The following FANCC variants were observed in gnomAD, a reference collection of about 807,000 sequenced individuals.
The protein encoded by FANCC is Fanconi anemia group C protein.
Under a neutral mutation model 71.3 loss-of-function variants are expected in FANCC, and 55 were observed. That is an observed-to-expected ratio of 0.77 (90% CI 0.62 to 0.97). The LOEUF is 0.97. FANCC is among the 50% of genes least tolerant of loss of function. The probability of loss-of-function intolerance (pLI) is 0.00; values close to 1 mark genes in which losing one functional copy is unlikely to be tolerated. For missense variants in FANCC, 678 were observed against 670.9 expected (o/e 1.01, Z -0.12); for synonymous variants, 275 against 244.9 (o/e 1.12, Z -1.15).
intron 4 of FANCC, among the ~76,000 whole-genome samples, chr9:95,239,474 A>C (rs1472731858): frequency 6.6e-6 from 1 of 152,246 alleles, no homozygotes. Context: ...TAGATGGCCT[A>C]CTTCAGGACT....
intron 1 of FANCC, chr9:95,293,963 T>C: frequency 6.3e-7 from 1 of 1,584,676 alleles, no homozygotes; most frequent in Non-Finnish European, 8.7e-7. Flanking sequence ...GCAGAGATAG[T>C]AACTCATAGT....
At chr9:95,186,092 G>A (rs1480137259) in intron 4 of FANCC, among the ~76,000 whole-genome samples, 2 of 152,152 alleles carry the variant, frequency 1.3e-5, no homozygotes, top group Non-Finnish European at 2.9e-5. Context: ...CAAGGGCAAT[G>A]TTCACACCTC....
At chr9:95,315,174 A>C (rs1363424983) in intron 1 of FANCC, among the ~76,000 whole-genome samples, 3 of 152,218 alleles carry the variant, frequency 2.0e-5, no homozygotes, top group Non-Finnish European at 4.4e-5. Context: ...AAATGGAGGT[A>C]AAACCATTGC....
chr9:95,258,082 C>T (rs1011947141), intron 1 of FANCC, among the ~76,000 whole-genome samples: 2 of 152,124 alleles, frequency 1.3e-5, no homozygotes, highest in Non-Finnish European at 1.5e-5. Flanking sequence ...CAGGACCAGA[C>T]AGATTCACAG....
chr9:95,197,232 C>T (rs1827510874), intron 4 of FANCC, among the ~76,000 whole-genome samples: 1 of 152,110 alleles, frequency 6.6e-6, no homozygotes, highest in Non-Finnish European at 1.5e-5. Context: ...GCCCAAGGTC[C>T]TCAAGTTAAA....
chr9:95,170,141 C>T (rs1825569756), intron 6 of FANCC, among the ~76,000 whole-genome samples: 1 of 152,112 alleles, frequency 6.6e-6, no homozygotes, highest in Admixed American at 6.6e-5. Context: ...TTTATAATTA[C>T]ATAATTCAAA....
rs759083348 is a variant in FANCC, at chr9:95,125,185, C to A, written c.897G>T (p.Arg299Ser). ...CCCCATCGGTTTCCAGGAGTGCACA[C>A]CTGAACAATGCAAAGTCAGATCAGA... ...AIFRVVDEMF[R>S]CALLETDGAL... is the part of the protein sequence containing the mutation. The change falls in exon 10 of 15, where the codon AGG becomes AGT. Residue 299 changes from arginine (R) to serine (S), a missense_variant and splice_region_variant. Arg to Ser is a moderately radical substitution (Grantham distance 110). Coordinates refer to ENST00000289081, the MANE Select transcript of FANCC (RefSeq NM_000136.3). 2.5e-6 allele frequency: 4 copies of A among 1,613,020 alleles called. No individual in the cohort carries two copies. Among genetic ancestry groups the A allele is most frequent in the Non-Finnish European group, 3.4e-6 (4 of 1,179,118 alleles).
At chr9:95,300,536 C>T (rs1834661143) in intron 1 of FANCC, among the ~76,000 whole-genome samples, 1 of 151,742 alleles carries the variant, frequency 6.6e-6, no homozygotes, top group South Asian at 2.1e-4. Flanking sequence ...ATGCAGCCTC[C>T]GACTCCTGGG....
chr9:95,125,538 A>G (rs989747062), intron 9 of FANCC, among the ~76,000 whole-genome samples: 1 of 152,230 alleles, frequency 6.6e-6, no homozygotes, highest in African/African-American at 2.4e-5. Flanking sequence ...AGCTGCTCAA[A>G]GGGTAAAATG....
In FANCC at chr9:95,149,923, A is replaced by G. The variant is rs369770340; in HGVS notation, c.686T>C (p.Leu229Pro). Residue 229 changes from leucine to proline, a missense_variant and splice_region_variant, in exon 7 of 15, where the codon CTG becomes CCG. Coordinates refer to ENST00000289081, the MANE Select transcript of FANCC (RefSeq NM_000136.3). ...FFEAVNEAILLKKISLPMSAV... is the reference protein window; with the variant it reads ...FFEAVNEAILPKKISLPMSAV... The stretch of plus-strand genomic sequence containing the variant: ...ATGACAGGAAACATTTGCCACTTAC[A>G]GCAAAATGGCCTCGTTTACAGCCTC... 1 of 1,597,732 alleles carries G rather than the reference A, an allele frequency of 6.3e-7. No homozygotes were observed. Among genetic ancestry groups the G allele is most frequent in the Non-Finnish European group, 8.5e-7 (1 of 1,171,986 alleles).
At chr9:95,313,177 G>A (rs1211817519) in intron 1 of FANCC, among the ~76,000 whole-genome samples, 5 of 152,152 alleles carry the variant, frequency 3.3e-5, no homozygotes, top group African/African-American at 7.2e-5. Flanking sequence ...GTGCTGGGGC[G>A]GCACCCAAGC....
intron 4 of FANCC, among the ~76,000 whole-genome samples, chr9:95,238,406 C>G (rs1400924075): frequency 1.3e-5 from 2 of 151,670 alleles, no homozygotes; most frequent in African/African-American, 4.9e-5. Context: ...TAAATCGGGC[C>G]CCCTTCTCCA....
intron 4 of FANCC, among the ~76,000 whole-genome samples, chr9:95,239,838 G>C (rs1429361986): frequency 6.6e-6 from 1 of 152,226 alleles, no homozygotes; most frequent in African/African-American, 2.4e-5. Context: ...CAGACTGATA[G>C]ACAAAACCAT....
intron 4 of FANCC, among the ~76,000 whole-genome samples, chr9:95,190,894 G>C (rs756226129): frequency 5.3e-5 from 8 of 152,312 alleles, no homozygotes; most frequent in Non-Finnish European, 8.8e-5. Context: ...GAGGTCTTCT[G>C]TCATGAAGGG....
intron 1 of FANCC, among the ~76,000 whole-genome samples, chr9:95,313,396 G>A (rs900300814): frequency 1.3e-5 from 2 of 152,244 alleles, no homozygotes; most frequent in Admixed American, 1.3e-4. Flanking sequence ...ACCTCGCTCT[G>A]GAGGAGTCAC....
chr9:95,144,822 G>T (rs946405296), intron 7 of FANCC, among the ~76,000 whole-genome samples: 6 of 152,206 alleles, frequency 3.9e-5, no homozygotes, highest in African/African-American at 1.4e-4. Context: ...CATTGCGGGT[G>T]TTGGGCACTG....
intron 6 of FANCC, among the ~76,000 whole-genome samples, chr9:95,156,234 C>T (rs1830457259): frequency 6.6e-6 from 1 of 152,084 alleles, no homozygotes; most frequent in African/African-American, 2.4e-5. Flanking sequence ...GCAGGAGTAG[C>T]AAGGATAAAA....
intron 4 of FANCC, among the ~76,000 whole-genome samples, chr9:95,207,512 T>A (rs1828207370): frequency 6.6e-6 from 1 of 151,930 alleles, no homozygotes; most frequent in South Asian, 2.1e-4. Flanking sequence ...AGCCATAAAA[T>A]CCTAAAACCA....
At chr9:95,244,893 T>A (rs1049436224) in intron 3 of FANCC, among the ~76,000 whole-genome samples, 3 of 151,944 alleles carry the variant, frequency 2.0e-5, no homozygotes, top group African/African-American at 7.3e-5. Flanking sequence ...TAGTGTTGTA[T>A]TCTAGGGAAA....
Sources: allele counts gnomAD v4.1 joint callset (sites outside exome capture counted in the v4.1 genomes callset), GRCh38; gene constraint gnomAD v4.1.1; transcripts MANE v1.5; gene names NCBI Gene and HGNC (gene_info 2026-07-23, HGNC 2026-07-21).